Variants in ADAMTS2 observed in about 807,000 individuals in gnomAD.
ADAMTS2 encodes ADAM metallopeptidase with thrombospondin type 1 motif 2.
A neutral mutation model predicts 123.0 loss-of-function variants in ADAMTS2; 50 were observed. The ratio of observed to expected loss-of-function variants is 0.41; its 90% CI spans 0.32 to 0.51. The LOEUF (loss-of-function observed/expected upper bound fraction) is 0.51. Ranked by LOEUF, ADAMTS2 falls within the 20% of genes least tolerant of loss-of-function variation. ADAMTS2 has a pLI of 0.35. For synonymous variants in ADAMTS2, 678 were observed against 695.4 expected (o/e 0.98, Z 0.39); for missense variants, 1,494 against 1,705.2 (o/e 0.88, Z 2.18).
intron 2 of ADAMTS2, among the ~76,000 whole-genome samples, chr5:179,329,326 C>CAAA (rs79153534): frequency 1.2e-5 from 1 of 85,730 alleles, no homozygotes; most frequent in Non-Finnish European, 2.5e-5. Context: ...GACTCCGTCT[C>CAAA]AAAAAAAAAA....
At chr5:179,141,458 T>C (rs1022931946) in intron 10 of ADAMTS2, among the ~76,000 whole-genome samples, 4 of 152,056 alleles carry the variant, frequency 2.6e-5, no homozygotes, top group Non-Finnish European at 4.4e-5. Context: ...TGTAAGGAGG[T>C]TGGTGAACCC....
chr5:179,223,620 G>A (rs1277912034), intron 3 of ADAMTS2, among the ~76,000 whole-genome samples: 1 of 138,282 alleles, frequency 7.2e-6, no homozygotes, highest in African/African-American at 2.7e-5. Flanking sequence ...ATACTCACAT[G>A]CACACTCACA....
intron 2 of ADAMTS2, among the ~76,000 whole-genome samples, chr5:179,299,530 A>AACACACACACACACACACACACACACAC (rs3986821): frequency 4.1e-5 from 5 of 120,524 alleles, no homozygotes; most frequent in South Asian, 6.5e-4. Context: ...CTCCAACTCA[A>AACACACACACACACACACACACACACAC]ACACACACAC....
intron 2 of ADAMTS2, among the ~76,000 whole-genome samples, chr5:179,320,712 C>T (rs994951292): frequency 3.9e-5 from 6 of 152,300 alleles, no homozygotes; most frequent in African/African-American, 1.4e-4. Flanking sequence ...CATGACCCAG[C>T]CTAGGCCAGG....
At chr5:179,304,761 G>C (rs770327469) in intron 2 of ADAMTS2, among the ~76,000 whole-genome samples, 1 of 152,174 alleles carries the variant, frequency 6.6e-6, no homozygotes, top group Admixed American at 6.5e-5. Flanking sequence ...AGAAGAGAAA[G>C]AATGTATTAC....
At chr5:179,178,401 C>T (rs1176958882) in intron 5 of ADAMTS2, among the ~76,000 whole-genome samples, 1 of 152,224 alleles carries the variant, frequency 6.6e-6, no homozygotes, top group Non-Finnish European at 1.5e-5. Flanking sequence ...CCTCTCTCTG[C>T]CCTCCTAGCC....
chr5:179,287,555 G>C (rs1191705959), intron 2 of ADAMTS2, among the ~76,000 whole-genome samples: 1 of 152,216 alleles, frequency 6.6e-6, no homozygotes, highest in Non-Finnish European at 1.5e-5. Flanking sequence ...CTGCACCCCA[G>C]AATTTTCTGG....
intron 3 of ADAMTS2, among the ~76,000 whole-genome samples, chr5:179,258,774 G>C (rs1010721803): frequency 2.0e-5 from 3 of 152,160 alleles, no homozygotes; most frequent in Non-Finnish European, 2.9e-5. Flanking sequence ...GGGTGGAGCT[G>C]TCACAGGCAG....
intron 3 of ADAMTS2, among the ~76,000 whole-genome samples, chr5:179,209,414 G>T (rs1179396073): frequency 2.0e-5 from 3 of 152,174 alleles, no homozygotes; most frequent in Non-Finnish European, 4.4e-5. Flanking sequence ...AAGAGAAGAG[G>T]AGTAAGTGGG....
chr5:179,122,830 A>G, intron 19 of ADAMTS2, 57 bp from the exon 20 acceptor site: 8 of 1,549,200 alleles, frequency 5.2e-6, no homozygotes, highest in Non-Finnish European at 7.0e-6. Flanking sequence ...CCGCACTGGC[A>G]GAGCTGGAGG....
At chr5:179,281,211 A>G (rs554648083) in intron 2 of ADAMTS2, among the ~76,000 whole-genome samples, 2 of 152,318 alleles carry the variant, frequency 1.3e-5, no homozygotes, top group Admixed American at 6.5e-5. Flanking sequence ...TTACCATACC[A>G]TACATCTCAG....
intron 10 of ADAMTS2, 75 bp from the exon 11 acceptor site, chr5:179,140,110 G>T (rs1763137740): frequency 6.2e-7 from 1 of 1,603,734 alleles, no homozygotes; most frequent in African/African-American, 1.3e-5. Flanking sequence ...TCTGCAGCCT[G>T]CAGTGTCTGG....
intron 10 of ADAMTS2, among the ~76,000 whole-genome samples, chr5:179,149,450 T>C (rs1466604356): frequency 6.6e-6 from 1 of 151,896 alleles, no homozygotes; most frequent in Non-Finnish European, 1.5e-5. Context: ...GAAGATGGAG[T>C]GTGAGCTGTC....
chr5:179,214,415 G>A (rs1764927565), intron 3 of ADAMTS2, among the ~76,000 whole-genome samples: 1 of 152,218 alleles, frequency 6.6e-6, no homozygotes, highest in Non-Finnish European at 1.5e-5. Flanking sequence ...CATGGCTCAA[G>A]TAGAAAACCT....
In ADAMTS2 at chr5:179,158,610, TCCCTG is replaced by T. The variant is rs1447246439; in HGVS notation, c.1132+108_1132+112del. ...CACCCAGCTAAGGTGGCCACGGCCT[TCCCTG>T]CCCTGACACTCTTCCCTGGGCTGGG... On this transcript the variant is annotated intron_variant, in intron 6 of 21. Transcript: ENST00000251582. This position sits in a 1 kb window ranked among gnomAD's most constrained non-coding sequence, Gnocchi z 5.0. 3 of 1,470,140 alleles carry T rather than the reference TCCCTG, an allele frequency of 2.0e-6. No homozygotes were observed. The African/African-American group carries it at 4.2e-5, about 20-fold the overall frequency. 91.1% of individuals were successfully genotyped at this position (1,470,140 alleles called of 1,614,324 possible).
chr5:179,281,055 A>G (rs1581243670), intron 2 of ADAMTS2, among the ~76,000 whole-genome samples: 1 of 152,118 alleles, frequency 6.6e-6, no homozygotes, highest in East Asian at 1.9e-4. Context: ...ATGGGGTTTC[A>G]CCATGTTGGC....
chr5:179,310,702 TC>T (rs1283428652), intron 2 of ADAMTS2, among the ~76,000 whole-genome samples: 5 of 152,126 alleles, frequency 3.3e-5, no homozygotes, highest in African/African-American at 1.2e-4. Context: ...TTTGGCAAGT[TC>T]CCAGGTGGTC....
Position 179,122,745 on chromosome 5 carries a change from T to C in ADAMTS2, c.2987A>G (p.Gln996Arg), listed in dbSNP as rs747134449. The stretch of plus-strand genomic sequence containing the variant: ...GGTGCGGCAGAGCACTGGCCGCTCC[T>C]GGGTGCCGTTGCCACAGGTTACTGA... Reference protein sequence around the residue: ...QCSVTCGNGTQERPVLCRTAD... With the variant: ...QCSVTCGNGTRERPVLCRTAD... The change falls in exon 20 of 22, where the codon CAG (glutamine) becomes CGG (arginine). Residue 996 changes from glutamine (Q) to arginine (R), a missense_variant. By Grantham distance (43) the Gln-to-Arg change is conservative. Around this residue, in one of 6 missense-constraint regions of ADAMTS2, gnomAD observed 953 missense variants for 1,124.7 expected, o/e 0.85. Transcript: ENST00000251582. 10 of 1,554,292 alleles carry C rather than the reference T, an allele frequency of 6.4e-6. No homozygotes were observed. The highest frequency in any genetic ancestry group is 7.8e-6 in the Non-Finnish European group (9 of 1,149,246).
In ADAMTS2 at chr5:179,154,157, C is replaced by A; in HGVS notation, c.1274G>T (p.Cys425Phe). The A allele has an allele frequency of 6.4e-7, 1 of 1,572,958 alleles. No individual in the cohort carries two copies. Among genetic ancestry groups the A allele is most frequent in the Non-Finnish European group, 8.6e-7 (1 of 1,166,066 alleles). Residue 425 changes from cysteine (C) to phenylalanine (F), a missense_variant, in exon 8 of 22, where the codon TGT becomes TTT. Around this residue, in one of 6 missense-constraint regions of ADAMTS2, gnomAD observed 953 missense variants for 1,124.7 expected, o/e 0.85. Coordinates refer to ENST00000251582, the MANE Select transcript of ADAMTS2 (RefSeq NM_014244.5). ...GMEHDGQGNR[C>F]GDEVRLGSIM... ...GCTGCCCAGCCGCACCTCGTCGCCA[C>A]AGCGGTTGCCCTGCCCGTCGTGCTC... is the stretch of plus-strand genomic sequence containing the variant.
Sources: allele counts gnomAD v4.1 joint callset (sites outside exome capture counted in the v4.1 genomes callset), GRCh38; gene constraint gnomAD v4.1.1; regional missense constraint gnomAD v4.1.1; non-coding constraint Gnocchi (gnomAD v3.1); transcripts MANE v1.5; gene names NCBI Gene and HGNC (gene_info 2026-07-23, HGNC 2026-07-21).